Variants in CCDC73 observed in about 807,000 individuals in gnomAD.
CCDC73 encodes coiled-coil domain-containing protein 73.
Under a neutral mutation model 116.5 loss-of-function variants are expected in CCDC73, and 95 were observed. That is an observed-to-expected ratio of 0.82 (90% confidence interval 0.69 to 0.97). CCDC73 has a LOEUF of 0.97. CCDC73 is among the 50% of genes least tolerant of loss of function. CCDC73 has a pLI of 0.00. For missense variants in CCDC73, 1,066 were observed against 1,206.8 expected (o/e 0.88, Z 1.73); for synonymous variants, 398 against 401.3 (o/e 0.99, Z 0.10).
the CCDC73 span, chr11:32,830,302 G>T: frequency 1.2e-6 from 1 of 846,684 alleles, no homozygotes; most frequent in Non-Finnish European, 1.6e-6. Context: ...TCAGCCCTCG[G>T]CAGGGTCACT....
At chr11:32,792,862 G>C (rs1275140731) in intron 1 of CCDC73, among the ~76,000 whole-genome samples, 1 of 152,198 alleles carries the variant, frequency 6.6e-6, no homozygotes, top group African/African-American at 2.4e-5. Context: ...GAAGTGTAAG[G>C]AGAATACTGG....
At chr11:32,760,636 A>G (rs1338736499) in intron 1 of CCDC73, among the ~76,000 whole-genome samples, 1 of 152,234 alleles carries the variant, frequency 6.6e-6, no homozygotes, top group Non-Finnish European at 1.5e-5. Flanking sequence ...GATGATATGA[A>G]TAGTAACATG....
At chr11:32,760,404 T>C (rs1850382132) in intron 1 of CCDC73, 146 bp from the exon 2 acceptor site, 1 of 523,900 alleles carries the variant, frequency 1.9e-6, no homozygotes, top group Non-Finnish European at 3.3e-6. Flanking sequence ...TCCACTCTAA[T>C]GTTGACCAAA....
intron 1 of CCDC73, among the ~76,000 whole-genome samples, chr11:32,786,894 T>A (rs1850634312): frequency 2.0e-5 from 3 of 152,112 alleles, no homozygotes; most frequent in Admixed American, 6.6e-5. Flanking sequence ...TGCCTGACTT[T>A]TAAGTGGGAG....
intron 1 of CCDC73, among the ~76,000 whole-genome samples, chr11:32,786,213 T>G (rs989988980): frequency 1.3e-5 from 2 of 151,590 alleles, no homozygotes; most frequent in African/African-American, 4.8e-5. Flanking sequence ...TATAGAAGGG[T>G]TGCCATTAAG....
chr11:32,821,205 A>G, the CCDC73 span, among the ~76,000 whole-genome samples: 1 of 152,164 alleles, frequency 6.6e-6, no homozygotes, highest in African/African-American at 2.4e-5. Context: ...TAATTCTTAA[A>G]GTCATCTGGA....
In CCDC73 at chr11:32,614,466, C is replaced by G; in HGVS notation, c.1852G>C (p.Glu618Gln). 6.2e-7 allele frequency: 1 copy of G among 1,613,436 alleles called. No homozygotes were observed. Among genetic ancestry groups the G allele is most frequent in the African/African-American group, 1.3e-5 (1 of 74,940 alleles). The change falls in exon 16 of 18, where the codon GAA becomes CAA. Residue 618 changes from glutamate (E) to glutamine (Q), a missense_variant. Transcript: ENST00000335185. ...TTGGTTTGGTCACTATTTGTAATTT[C>G]CTTCTCTAGAGCATGTTCTCGAGTC... ...PGTREHALEK[E>Q]ITNSDQTKAD...
chr11:32,677,879 G>C (rs928332330), intron 7 of CCDC73, among the ~76,000 whole-genome samples: 2 of 145,680 alleles, frequency 1.4e-5, no homozygotes, highest in African/African-American at 5.1e-5. Context: ...TTGAACCCAG[G>C]AGGCAGAGGT....
chr11:32,658,015 A>T (rs1590573840), intron 9 of CCDC73, among the ~76,000 whole-genome samples: 1 of 118,912 alleles, frequency 8.4e-6, no homozygotes, highest in African/African-American at 3.5e-5. Flanking sequence ...CCCCTACCCT[A>T]GTCTCTTTAA....
chr11:32,755,549 A>ATATATATATATATGTG (rs1198902562), intron 2 of CCDC73, among the ~76,000 whole-genome samples: 2 of 139,370 alleles, frequency 1.4e-5, no homozygotes, highest in Non-Finnish European at 3.1e-5. Context: ...ATATATATAT[A>ATATATATATATATGTG]TATATATATA....
At chr11:32,681,250 AC>A (rs1856140071) in intron 7 of CCDC73, 1 of 152,042 alleles carries the variant, frequency 6.6e-6, no homozygotes, top group African/African-American at 2.4e-5. Flanking sequence ...GTTTTACAAC[AC>A]AGACACCGAT....
At chr11:32,812,318 G>A in the CCDC73 span, among the ~76,000 whole-genome samples, 2 of 152,106 alleles carry the variant, frequency 1.3e-5, no homozygotes, top group Admixed American at 6.5e-5. Flanking sequence ...CCAGGAGTTC[G>A]AAATCAGCCT....
chr11:32,631,154 C>T (rs1343389984), intron 14 of CCDC73, among the ~76,000 whole-genome samples: 1 of 152,182 alleles, frequency 6.6e-6, no homozygotes, highest in African/African-American at 2.4e-5. Context: ...ACATTCTTCT[C>T]CCACTAATTG....
intron 2 of CCDC73, among the ~76,000 whole-genome samples, chr11:32,729,874 T>C (rs1024726515): frequency 3.9e-5 from 6 of 152,182 alleles, no homozygotes; most frequent in African/African-American, 1.4e-4. Context: ...ATACCTGTAG[T>C]TTCAGAATTG....
intron 7 of CCDC73, among the ~76,000 whole-genome samples, chr11:32,677,956 A>C (rs1856104628): frequency 7.2e-5 from 1 of 13,842 alleles, no homozygotes; most frequent in Non-Finnish European, 1.9e-4. Flanking sequence ...ATTCCATCTC[A>C]AAAAAAAAAA....
At chr11:32,662,010 G>C (rs1259792635) in intron 9 of CCDC73, among the ~76,000 whole-genome samples, 3 of 152,074 alleles carry the variant, frequency 2.0e-5, no homozygotes, top group African/African-American at 7.2e-5. Context: ...CAAAGGACAT[G>C]AACTCATCCT....
At chr11:32,702,457 G>C (rs1381531452) in intron 4 of CCDC73, among the ~76,000 whole-genome samples, 1 of 151,986 alleles carries the variant, frequency 6.6e-6, no homozygotes, top group Non-Finnish European at 1.5e-5. Flanking sequence ...TCTAATCCTT[G>C]TCATCTCCCT....
At chr11:32,816,848 A>T in the CCDC73 span, among the ~76,000 whole-genome samples, 1 of 152,050 alleles carries the variant, frequency 6.6e-6, no homozygotes, top group Non-Finnish European at 1.5e-5. Context: ...CAATGGCGCG[A>T]TCTCGGCTCA....
At chr11:32,710,446 T>C (rs1849889143) in intron 3 of CCDC73, among the ~76,000 whole-genome samples, 1 of 152,206 alleles carries the variant, frequency 6.6e-6, no homozygotes, top group African/African-American at 2.4e-5. Context: ...GTTGACCCAA[T>C]GATCATTCAG....
Sources: gnomAD v4.1 joint callset for allele counts (sites outside exome capture counted in the v4.1 genomes callset) on GRCh38, gnomAD v4.1.1 for gene constraint, MANE v1.5 for transcripts, NCBI Gene and HGNC (gene_info 2026-07-23, HGNC 2026-07-21) for gene names.